ZNF487: variants seen among roughly 807,000 people sequenced by gnomAD.
ZNF487 encodes zinc finger protein 487.
A neutral mutation model predicts 3.0 loss-of-function variants in ZNF487; 4 were observed. That is an observed-to-expected ratio of 1.35 (90% CI 0.66 to 3.08). The LOEUF (loss-of-function observed/expected upper bound fraction) is 3.08, where lower values mean the gene tolerates loss of function less well. Among genes scored for constraint, ZNF487 ranks in the 30% most tolerant of loss-of-function variants. ZNF487 has a pLI of 0.01. For missense variants in ZNF487, 146 were observed against 98.7 expected (o/e 1.48, Z -2.03); for synonymous variants, 55 against 34.6 (o/e 1.59, Z -2.06).
rs1385360652 is a variant in ZNF487, at chr10:43,482,750, A to G, written c.*828A>G. On this transcript the variant is annotated 3_prime_UTR_variant, in exon 4 of 4. Coordinates refer to ENST00000437590, the MANE Select transcript of ZNF487 (RefSeq NM_001355444.3). ...CTCACACAGGAGAGAGACCCTTTGA[A>G]TGCAATGAATGTCAAAAATCCTTCT... The G allele has an allele frequency of 2.2e-6, 1 of 465,044 alleles. No individual in the cohort carries two copies. Among genetic ancestry groups the G allele is most frequent in the Non-Finnish European group, 4.4e-6 (1 of 229,564 alleles). 28.8% of individuals were successfully genotyped at this position (465,044 alleles called of 1,614,324 possible).
At chr10:43,471,646 C>A (rs984226579) in intron 1 of ZNF487, among the ~76,000 whole-genome samples, 3 of 152,256 alleles carry the variant, frequency 2.0e-5, no homozygotes, top group South Asian at 4.2e-4. Context: ...GGAAAGGGGA[C>A]GGGAAGGGCA....
downstream of ZNF487, among the ~76,000 whole-genome samples, chr10:43,487,261 T>G (rs958549000): frequency 2.7e-5 from 4 of 150,496 alleles, no homozygotes; most frequent in African/African-American, 9.8e-5. Flanking sequence ...TGCCTCAGCC[T>G]CCTGATTAGT....
chr10:43,511,930 CA>C, the ZNF487 span, among the ~76,000 whole-genome samples: 1 of 152,152 alleles, frequency 6.6e-6, no homozygotes, highest in Non-Finnish European at 1.5e-5. Flanking sequence ...ACCAATTTTC[CA>C]GTAATGCTTC....
intron 1 of ZNF487, among the ~76,000 whole-genome samples, chr10:43,446,144 C>T (rs576236105): frequency 5.3e-5 from 8 of 152,358 alleles, no homozygotes; most frequent in African/African-American, 9.6e-5. Flanking sequence ...CTTTTCTATT[C>T]GACAAAACCG....
the ZNF487 span, among the ~76,000 whole-genome samples, chr10:43,512,383 G>C: frequency 6.6e-6 from 1 of 152,102 alleles, no homozygotes; most frequent in African/African-American, 2.4e-5. Context: ...TTTGATGATG[G>C]AATGCTGCTG....
At chr10:43,475,482 T>G (rs1841060747) in intron 1 of ZNF487, among the ~76,000 whole-genome samples, 1 of 151,256 alleles carries the variant, frequency 6.6e-6, no homozygotes, top group Admixed American at 6.6e-5. Context: ...GCCACAGCAC[T>G]CTAGCCTGAG....
chr10:43,517,101 T>C, the ZNF487 span, among the ~76,000 whole-genome samples: 1 of 152,204 alleles, frequency 6.6e-6, no homozygotes, highest in Non-Finnish European at 1.5e-5. Context: ...AAGATACTTT[T>C]GACACACTAA....
the ZNF487 span, among the ~76,000 whole-genome samples, chr10:43,498,100 T>TATATATATATATA: frequency 0.01 from 95 of 9,330 alleles, 1 homozygote; most frequent in East Asian, 0.024. Flanking sequence ...TATATATATA[T>TATATATATATATA]TTTTTTTTTT....
chr10:43,436,974 C>A (rs1206267515), upstream of ZNF487: 2 of 444,008 alleles, frequency 4.5e-6, no homozygotes, highest in South Asian at 3.2e-5. Flanking sequence ...CAGCTGGTAG[C>A]AGGGTGGGAT....
At chr10:43,502,024 C>T in the ZNF487 span, among the ~76,000 whole-genome samples, 2 of 152,132 alleles carry the variant, frequency 1.3e-5, no homozygotes, top group South Asian at 4.1e-4. Context: ...CCAGCCATCC[C>T]ATTACTGGGT....
At chr10:43,458,116 A>G (rs1328735372) in intron 1 of ZNF487, 1 of 152,192 alleles carries the variant, frequency 6.6e-6, no homozygotes, top group Non-Finnish European at 1.5e-5. Context: ...AGTTTTTGCC[A>G]GTGTGAACCC....
chr10:43,487,203 G>T (rs1226362477), downstream of ZNF487, among the ~76,000 whole-genome samples: 1 of 142,050 alleles, frequency 7.0e-6, no homozygotes, highest in African/African-American at 2.6e-5. Context: ...GCAGTGGCAC[G>T]ATCTCAGCTC....
the ZNF487 span, among the ~76,000 whole-genome samples, chr10:43,501,280 G>T: frequency 6.6e-6 from 1 of 152,172 alleles, no homozygotes; most frequent in Admixed American, 6.5e-5. Context: ...AAGTTTCTCT[G>T]CATGAGTCAG....
the ZNF487 span, among the ~76,000 whole-genome samples, chr10:43,512,994 A>C: frequency 1.3e-5 from 2 of 152,234 alleles, no homozygotes; most frequent in African/African-American, 4.8e-5. Context: ...CCTGAATTTA[A>C]GTCAGTTTTA....
At chr10:43,484,919 T>C (rs1841458877), downstream of ZNF487, among the ~76,000 whole-genome samples, 1 of 152,236 alleles carries the variant, frequency 6.6e-6, no homozygotes, top group Non-Finnish European at 1.5e-5. Flanking sequence ...GCGACATAAA[T>C]TGTTAATCAT....
the ZNF487 span, among the ~76,000 whole-genome samples, chr10:43,498,099 A>ATATATATATATATATATATATTTTT: frequency 5.0e-5 from 1 of 20,188 alleles, no homozygotes; most frequent in Admixed American, 9.0e-4. Context: ...ATATATATAT[A>ATATATATATATATATATATATTTTT]TTTTTTTTTT....
At chr10:43,522,266 C>T in the ZNF487 span, among the ~76,000 whole-genome samples, 1 of 152,190 alleles carries the variant, frequency 6.6e-6, no homozygotes, top group Non-Finnish European at 1.5e-5. Context: ...CCTGTAATCC[C>T]AGCACTTTGG....
chr10:43,495,068 T>C, the ZNF487 span, among the ~76,000 whole-genome samples: 13 of 152,202 alleles, frequency 8.5e-5, 1 homozygote, highest in South Asian at 2.7e-3. Context: ...AAGGAATTTA[T>C]CCCAAATTAC....
intron 1 of ZNF487, among the ~76,000 whole-genome samples, chr10:43,441,427 G>A (rs368479760): frequency 6.6e-6 from 1 of 151,886 alleles, no homozygotes; most frequent in Non-Finnish European, 1.5e-5. Context: ...CACCGGGCCC[G>A]GCTAATTTTT....
Sources: gnomAD v4.1 joint callset for allele counts (sites outside exome capture counted in the v4.1 genomes callset) on GRCh38, gnomAD v4.1.1 for gene constraint, MANE v1.5 for transcripts, NCBI Gene and HGNC (gene_info 2026-07-23, HGNC 2026-07-21) for gene names.